The following KCNIP1 variants were observed in gnomAD, a reference collection of about 807,000 sequenced individuals.
KCNIP1 encodes the protein A-type potassium channel modulatory protein KCNIP1.
A neutral mutation model predicts 33.0 loss-of-function variants in KCNIP1; 18 were observed. The ratio of observed to expected loss-of-function variants is 0.55; its 90% CI spans 0.38 to 0.81. KCNIP1 has a LOEUF of 0.81. Ranked by LOEUF, KCNIP1 falls within the 30% of genes least tolerant of loss-of-function variation. The probability of loss-of-function intolerance (pLI) is 0.00; values close to 1 mark genes in which losing one functional copy is unlikely to be tolerated. For synonymous variants in KCNIP1, 93 were observed against 98.3 expected, an observed-to-expected ratio of 0.95 and a Z score of 0.32; for missense variants, 238 against 271.6, an observed-to-expected ratio of 0.88 and a Z score of 0.87.
At chr5:170,383,700 G>T (rs1764346397) in intron 1 of KCNIP1, 1 of 1,614,154 alleles carries the variant, frequency 6.2e-7, no homozygotes, top group Non-Finnish European at 8.5e-7. Flanking sequence ...GGTCCCGAGT[G>T]TCCTCCGTGT....
intron 1 of KCNIP1, among the ~76,000 whole-genome samples, chr5:170,664,229 G>A (rs1353919012): frequency 6.6e-6 from 1 of 152,102 alleles, no homozygotes; most frequent in Non-Finnish European, 1.5e-5. Flanking sequence ...CTCTATGTCT[G>A]AACAGCTCGG....
intron 1 of KCNIP1, among the ~76,000 whole-genome samples, chr5:170,640,822 G>T (rs1039183256): frequency 2.6e-5 from 4 of 152,124 alleles, no homozygotes; most frequent in African/African-American, 9.7e-5. Context: ...TGCAAGGGGG[G>T]ACACCTCACA....
intron 1 of KCNIP1, among the ~76,000 whole-genome samples, chr5:170,673,503 A>G (rs1203113154): frequency 6.6e-6 from 1 of 152,234 alleles, no homozygotes; most frequent in Non-Finnish European, 1.5e-5. Flanking sequence ...AGCGAGCTCA[A>G]GTAACTTTCC....
intron 1 of KCNIP1, among the ~76,000 whole-genome samples, chr5:170,696,541 T>C (rs1273565754): frequency 4.6e-5 from 7 of 152,122 alleles, no homozygotes; most frequent in Non-Finnish European, 5.9e-5. Context: ...GAGGTAGCCC[T>C]TGAAACGAGA....
At chr5:170,701,652 C>G (rs974878760) in intron 1 of KCNIP1, among the ~76,000 whole-genome samples, 1 of 152,188 alleles carries the variant, frequency 6.6e-6, no homozygotes, top group Admixed American at 6.5e-5. Context: ...CGCAGCCAAG[C>G]AAAGGCACTC....
rs531233936 is a variant in KCNIP1 at position 170,489,197 on chromosome 5, G to C, written c.88+135233G>C. Among the ~76,000 whole-genome samples, 4 of 152,338 alleles carry C rather than the reference G, an allele frequency of 2.6e-5. No individual in the cohort carries two copies. Among genetic ancestry groups the C allele is most frequent in the South Asian group, 4.1e-4 (2 of 4,828 alleles). On this transcript the variant is annotated intron_variant, in intron 1 of 7. Coordinates refer to the KCNIP1 transcript ENST00000377360. The surrounding 1 kb of genome is among the most constrained non-coding windows in gnomAD (Gnocchi z 4.3). ...CTGCAGGCACTGAAGGAAGAGGTAGGGGACGATGACTCCATCTGTCACCTC... is the reference window on the plus strand; with the variant it reads ...CTGCAGGCACTGAAGGAAGAGGTAGCGGACGATGACTCCATCTGTCACCTC...
chr5:170,462,370 A>G (rs1456330412), intron 1 of KCNIP1, among the ~76,000 whole-genome samples: 1 of 152,140 alleles, frequency 6.6e-6, no homozygotes, highest in African/African-American at 2.4e-5. Context: ...CAAGAAAAAT[A>G]TGAAAAAATG....
intron 1 of KCNIP1, among the ~76,000 whole-genome samples, chr5:170,485,168 G>A (rs927268594): frequency 1.3e-5 from 2 of 152,192 alleles, no homozygotes; most frequent in East Asian, 1.9e-4. Flanking sequence ...TCAAGCTCCC[G>A]ACCTCAGGTG....
intron 1 of KCNIP1, among the ~76,000 whole-genome samples, chr5:170,571,789 G>A (rs901749288): frequency 6.6e-5 from 10 of 152,152 alleles, no homozygotes; most frequent in African/African-American, 2.4e-4. Flanking sequence ...TCAGGGAATA[G>A]GTCATTCTGT....
intron 1 of KCNIP1, among the ~76,000 whole-genome samples, chr5:170,364,296 G>C (rs1233014547): frequency 1.3e-5 from 2 of 152,118 alleles, no homozygotes; most frequent in Non-Finnish European, 2.9e-5. Flanking sequence ...TGCCATACCT[G>C]GCCCTCACTT....
intron 1 of KCNIP1, among the ~76,000 whole-genome samples, chr5:170,390,595 C>T (rs537702873): frequency 8.7e-5 from 13 of 149,194 alleles, no homozygotes; most frequent in East Asian, 3.9e-4. Context: ...AAGTATCAGG[C>T]GTGGTGGTAG....
At chr5:170,731,872 C>CAAAAAAA (rs1157286321) in intron 5 of KCNIP1, among the ~76,000 whole-genome samples, 16 of 16,694 alleles carry the variant, frequency 9.6e-4, no homozygotes, top group East Asian at 1.9e-3. Flanking sequence ...GACTCCGTCT[C>CAAAAAAA]AAAAAAAAAA....
intron 1 of KCNIP1, among the ~76,000 whole-genome samples, chr5:170,429,015 C>T (rs575172294): frequency 2.4e-4 from 37 of 152,084 alleles, no homozygotes; most frequent in African/African-American, 7.5e-4. Context: ...CACTTGAACC[C>T]GGGAGGCAGA....
intron 1 of KCNIP1, among the ~76,000 whole-genome samples, chr5:170,696,408 C>T (rs991089702): frequency 2.6e-5 from 4 of 152,038 alleles, no homozygotes; most frequent in African/African-American, 9.7e-5. Flanking sequence ...CTCAAAGGAC[C>T]CACAGTCTAG....
chr5:170,485,985 A>C (rs1757085614), intron 1 of KCNIP1: 1 of 152,114 alleles, frequency 6.6e-6, no homozygotes, highest in South Asian at 2.1e-4. Flanking sequence ...AGGTGCGTAA[A>C]ATGGCCTGTC....
intron 1 of KCNIP1, chr5:170,382,572 A>C (rs1229844598): frequency 1.3e-5 from 2 of 151,844 alleles, no homozygotes; most frequent in Non-Finnish European, 2.9e-5. Context: ...TCCTATAGGC[A>C]TACCCGCTTC....
At chr5:170,459,387 T>C (rs1756457757) in intron 1 of KCNIP1, among the ~76,000 whole-genome samples, 1 of 152,156 alleles carries the variant, frequency 6.6e-6, no homozygotes, top group African/African-American at 2.4e-5. Context: ...CTGTGGAATA[T>C]ACATTCTATT....
chr5:170,439,264 C>T (rs912575136), intron 1 of KCNIP1, among the ~76,000 whole-genome samples: 6 of 152,344 alleles, frequency 3.9e-5, no homozygotes, highest in South Asian at 2.1e-4. Context: ...TCCCATCCCC[C>T]GTTCCCTGAC....
chr5:170,623,023 C>A (rs1035815394), intron 1 of KCNIP1, among the ~76,000 whole-genome samples: 5 of 152,232 alleles, frequency 3.3e-5, no homozygotes, highest in African/African-American at 1.2e-4. Flanking sequence ...AAGGAGTGAG[C>A]AACCTAGATC....
Sources: gnomAD v4.1 joint callset for allele counts (sites outside exome capture counted in the v4.1 genomes callset) on GRCh38, gnomAD v4.1.1 for gene constraint, Gnocchi (gnomAD v3.1) non-coding constraint, MANE v1.5 for transcripts, NCBI Gene and HGNC (gene_info 2026-07-23, HGNC 2026-07-21) for gene names.